Variants in ST6GAL1 observed in about 807,000 individuals in gnomAD.
ST6GAL1 encodes the protein ST6 beta-galactoside alpha-2,6-sialyltransferase 1, also known as beta-galactoside alpha-2,6-sialyltransferase 1.
ST6GAL1 carries 20 observed loss-of-function variants against 38.0 expected under a neutral mutation model. That is an observed-to-expected ratio of 0.53 (90% CI 0.37 to 0.77). The LOEUF is 0.77. Among genes scored for constraint, ST6GAL1 ranks in the 30% least tolerant of loss-of-function variants. The pLI is 0.00. For synonymous variants in ST6GAL1, 196 were observed against 188.2 expected (o/e 1.04, Z -0.34); for missense variants, 432 against 496.4 (o/e 0.87, Z 1.23).
At chr3:187,008,559 T>G (rs1040941656) in intron 2 of ST6GAL1, among the ~76,000 whole-genome samples, 2 of 152,062 alleles carry the variant, frequency 1.3e-5, no homozygotes, top group Admixed American at 6.5e-5. Context: ...AAAATAGAGA[T>G]ATTTTCAGGT....
chr3:187,051,321 C>A lies in ST6GAL1; in HGVS notation c.680C>A (p.Thr227Asn), dbSNP rs760546808. The change falls in exon 5 of 8, where the codon ACT becomes AAT. Residue 227 changes from threonine (T) to asparagine (N), a missense_variant. Physicochemically the swap from Thr to Asn is moderately conservative, Grantham distance 65. Transcript: ENST00000169298. The stretch of plus-strand genomic sequence containing the variant: ...TTCCAACAAGATGTGGGCACAAAAA[C>A]TACCATTCGCCTGATGAACTCTCAG... ...ANFQQDVGTK[T>N]TIRLMNSQLV... 6.2e-6 allele frequency: 10 copies of A among 1,614,046 alleles called. No individual in the cohort carries two copies. In the African/African-American group the frequency reaches 1.2e-4, roughly 19 times the overall value.
At chr3:186,945,957 C>G (rs1579259071) in intron 1 of ST6GAL1, among the ~76,000 whole-genome samples, 1 of 139,192 alleles carries the variant, frequency 7.2e-6, no homozygotes, top group African/African-American at 2.7e-5. Flanking sequence ...CGCCACTGCA[C>G]TCCAGCTTGG....
intron 1 of ST6GAL1, among the ~76,000 whole-genome samples, chr3:186,936,385 T>C (rs1560133883): frequency 1.3e-5 from 2 of 152,224 alleles, no homozygotes; most frequent in African/African-American, 2.4e-5. Flanking sequence ...TGCTCTGATG[T>C]AGTATCAGTG....
chr3:187,070,350 G>A (rs967288792), intron 5 of ST6GAL1, among the ~76,000 whole-genome samples: 2 of 150,594 alleles, frequency 1.3e-5, no homozygotes, highest in Admixed American at 6.6e-5. Flanking sequence ...GTGGTTCCCC[G>A]TGTCTCAGAC....
At chr3:187,023,349 A>C (rs1717397022) in intron 2 of ST6GAL1, among the ~76,000 whole-genome samples, 1 of 152,022 alleles carries the variant, frequency 6.6e-6, no homozygotes, top group South Asian at 2.1e-4. Flanking sequence ...TTGACTCTTT[A>C]TTTATCCTCA....
At chr3:186,984,735 C>T in intron 2 of ST6GAL1, among the ~76,000 whole-genome samples, 1 of 88,204 alleles carries the variant, frequency 1.1e-5, no homozygotes, top group Non-Finnish European at 2.4e-5. Context: ...CCCTTCCTTC[C>T]TTCCTTCCCT....
At chr3:186,970,993 G>C (rs1260469731) in intron 2 of ST6GAL1, among the ~76,000 whole-genome samples, 1 of 152,196 alleles carries the variant, frequency 6.6e-6, no homozygotes. Flanking sequence ...CCATTTCCTA[G>C]AGGGGCTGTA....
At chr3:187,060,199 C>T (rs1309052377) in intron 5 of ST6GAL1, among the ~76,000 whole-genome samples, 1 of 152,130 alleles carries the variant, frequency 6.6e-6, no homozygotes, top group Non-Finnish European at 1.5e-5. Flanking sequence ...GTTGGCCTGT[C>T]ACCCGGGCTG....
intron 1 of ST6GAL1, among the ~76,000 whole-genome samples, chr3:186,959,927 T>TG (rs1214697272): frequency 2.0e-5 from 3 of 152,132 alleles, no homozygotes; most frequent in Non-Finnish European, 4.4e-5. Flanking sequence ...GGGTGCTGAG[T>TG]GGGGATGGCT....
At chr3:186,995,394 T>C (rs1716357873) in intron 2 of ST6GAL1, among the ~76,000 whole-genome samples, 1 of 151,136 alleles carries the variant, frequency 6.6e-6, no homozygotes. Context: ...TGGTCCCAGC[T>C]ACTTGGGAGG....
chr3:187,076,104 C>T lies in ST6GAL1; in HGVS notation c.*301C>T, dbSNP rs1719552872. 5.7e-6 allele frequency: 2 copies of T among 352,352 alleles called. No homozygotes were observed. The allele number at this position is 352,352 out of a possible 1,614,324, so 21.8% of individuals were successfully genotyped here. A position where few individuals can be genotyped will look rare whatever the true frequency, so the allele number is the denominator to read the frequency against. On this transcript the variant is annotated 3_prime_UTR_variant, in exon 8 of 8. Coordinates refer to ENST00000169298, the MANE Select transcript of ST6GAL1 (RefSeq NM_173216.2). ...TGGTAGATGCAAGGTCTATCTCTCCCATCAGGGCTGCCAAAGCTGGGCTTT... is the reference window on the plus strand; with the variant it reads ...TGGTAGATGCAAGGTCTATCTCTCCTATCAGGGCTGCCAAAGCTGGGCTTT...
At chr3:186,974,754 G>T (rs1261773721) in intron 2 of ST6GAL1, among the ~76,000 whole-genome samples, 1 of 151,880 alleles carries the variant, frequency 6.6e-6, no homozygotes, top group Non-Finnish European at 1.5e-5. Flanking sequence ...AGCAGGGTTG[G>T]GTGCAAAGGG....
chr3:187,049,057 A>G (rs1718419461), intron 4 of ST6GAL1, among the ~76,000 whole-genome samples: 1 of 151,882 alleles, frequency 6.6e-6, no homozygotes, highest in Non-Finnish European at 1.5e-5. Context: ...CGCCCAGCTA[A>G]TTTTTGTATA....
chr3:186,997,104 A>T (rs1295238214), intron 2 of ST6GAL1, among the ~76,000 whole-genome samples: 1 of 152,030 alleles, frequency 6.6e-6, no homozygotes, highest in African/African-American at 2.4e-5. Flanking sequence ...GACATGGAAA[A>T]TAGTTAAGTA....
At chr3:186,958,817 G>A (rs1714831755) in intron 1 of ST6GAL1, among the ~76,000 whole-genome samples, 1 of 152,052 alleles carries the variant, frequency 6.6e-6, no homozygotes, top group South Asian at 2.1e-4. Context: ...GCCAGGTGTG[G>A]TGGCATGCAC....
At chr3:186,992,021 T>C (rs995643057) in intron 2 of ST6GAL1, among the ~76,000 whole-genome samples, 15 of 152,212 alleles carry the variant, frequency 9.9e-5, no homozygotes, top group African/African-American at 3.4e-4. Context: ...AATCCAGTTC[T>C]TCAAACTGAG....
At chr3:187,043,459 C>A in intron 4 of ST6GAL1, 149 bp downstream of exon 4, 1 of 1,171,500 alleles carries the variant, frequency 8.5e-7, no homozygotes, top group Non-Finnish European at 1.2e-6. Flanking sequence ...ACAAGTGACA[C>A]AGAGGGAGTT....
At chr3:186,936,939 C>T (rs1179016219) in intron 1 of ST6GAL1, among the ~76,000 whole-genome samples, 1 of 87,962 alleles carries the variant, frequency 1.1e-5, no homozygotes, top group African/African-American at 4.1e-5. Flanking sequence ...AAGACTGTCT[C>T]AAAAAAAAAA....
intron 6 of ST6GAL1, 51 bp from the exon 7 acceptor site, chr3:187,074,108 C>G: frequency 6.6e-7 from 1 of 1,507,694 alleles, no homozygotes; most frequent in Non-Finnish European, 8.9e-7. Context: ...CTGGGGGGAG[C>G]AGCTCACTGG....
Sources: allele counts gnomAD v4.1 joint callset (sites outside exome capture counted in the v4.1 genomes callset), GRCh38; gene constraint gnomAD v4.1.1; transcripts MANE v1.5; gene names NCBI Gene and HGNC (gene_info 2026-07-23, HGNC 2026-07-21).